CFP: variants seen among roughly 807,000 people sequenced by gnomAD.
CFP encodes the protein complement factor properdin.
A neutral mutation model predicts 42.1 loss-of-function variants in CFP; 14 were observed. That is an observed-to-expected ratio of 0.33 (90% confidence interval 0.22 to 0.52). The LOEUF (loss-of-function observed/expected upper bound fraction) is 0.52. Among genes scored for constraint, CFP ranks in the 20% least tolerant of loss-of-function variants. The probability of loss-of-function intolerance (pLI) is 0.96; values close to 1 mark genes in which losing one functional copy is unlikely to be tolerated. For missense variants in CFP, 318 were observed against 400.4 expected (o/e 0.79, Z 1.76); for synonymous variants, 149 against 160.6 (o/e 0.93, Z 0.54).
chrX:47,626,273 C>T, intron 7 of CFP, 55 bp downstream of exon 7: 1 of 1,180,264 alleles, frequency 8.5e-7, no homozygotes, highest in Non-Finnish European at 1.1e-6. Flanking sequence ...AGTTGGAAAC[C>T]CCTTATCCTG....
At position 47,629,511 on chromosome X, in the gene CFP, G is replaced by T; in HGVS notation, c.227+13C>A. ...TCCCTCCCCCCCATCCCCCACCCCA[G>T]GCTCCCCCTAACCTGCAAGGCTGAC... is the stretch of plus-strand genomic sequence containing the variant. On this transcript the variant is annotated intron_variant, in intron 2 of 8. Transcript: ENST00000396992. The T allele has an allele frequency of 7.6e-6, 3 of 395,042 alleles. No individual in the cohort carries two copies. Among genetic ancestry groups the T allele is most frequent in the Non-Finnish European group, 1.3e-5 (3 of 231,756 alleles). The allele number at this position is 395,042 out of a possible 1,213,427, so 32.6% of individuals were successfully genotyped here. A position where few individuals can be genotyped will look rare whatever the true frequency, so the allele number is the denominator to read the frequency against.
chrX:47,626,223 G>A (rs2147936487), intron 7 of CFP, 54 bp from the exon 8 acceptor site: 3 of 1,135,100 alleles, frequency 2.6e-6, no homozygotes, highest in Non-Finnish European at 3.6e-6. Flanking sequence ...TGGTGGGAAA[G>A]TGAGAGGGAG....
upstream of CFP, chrX:47,630,120 A>G (rs1248678749): frequency 2.6e-6 from 1 of 389,574 alleles, no homozygotes; most frequent in African/African-American, 2.6e-5. Context: ...TCCTAGGACA[A>G]ATTCTCACCC....
intron 2 of CFP, 36 bp downstream of exon 2, chrX:47,629,488 C>CCTCCCCCCCCTCCCCCCCCCCCCG: frequency 1.5e-6 from 1 of 657,607 alleles, no homozygotes; most frequent in Admixed American, 2.8e-5. Context: ...ACAGTCCTTC[C>CCTCCCCCCCCTCCCCCCCCCCCCG]CTCCCCCCCA....
chrX:47,624,522 C>T, intron 8 of CFP, 82 bp from the exon 9 acceptor site: 2 of 682,677 alleles, frequency 2.9e-6, no homozygotes, highest in Non-Finnish European at 4.2e-6. Flanking sequence ...TGAGTGCCTG[C>T]TATATGCCGA....
chrX:47,625,500 C>CA (rs1193149392), intron 8 of CFP: 1 of 142,395 alleles, frequency 7.0e-6, no homozygotes, highest in Non-Finnish European at 1.4e-5. Flanking sequence ...ATGCCTTTCC[C>CA]AACCCCTACC....
In CFP at chrX:47,623,468, T is replaced by C. The variant is rs1367806192; in HGVS notation, c.*807A>G. 1 of 112,295 alleles carries C rather than the reference T, an allele frequency of 8.9e-6. No individual in the cohort carries two copies. The highest frequency in any genetic ancestry group is 1.9e-5 in the Non-Finnish European group (1 of 53,349). 9.3% of individuals were successfully genotyped at this position (112,295 alleles called of 1,213,427 possible). A position where few individuals can be genotyped will look rare whatever the true frequency, so the allele number is the denominator to read the frequency against. On this transcript the variant is annotated 3_prime_UTR_variant, in exon 9 of 9. Coordinates refer to ENST00000396992, the MANE Select transcript of CFP (RefSeq NM_001145252.3). ...GATGTCCTCTTTCTACCAGCCCTCC[T>C]CCACCCTAGATGCTCAGACTCAGCT...
chrX:47,628,526 C>G, intron 2 of CFP: 1 of 494,443 alleles, frequency 2.0e-6, no homozygotes, highest in South Asian at 2.5e-5. Flanking sequence ...ATGGCCAACA[C>G]CAGGTCCGCA....
At chrX:47,625,255 C>T (rs1462725011) in intron 8 of CFP, 1 of 112,364 alleles carries the variant, frequency 8.9e-6, no homozygotes, top group African/African-American at 3.3e-5. Context: ...CATTCAACAC[C>T]TCTAATCTTC....
intron 8 of CFP, 30 bp from the exon 9 acceptor site, chrX:47,624,470 A>G: frequency 7.6e-6 from 9 of 1,184,690 alleles, no homozygotes; most frequent in Non-Finnish European, 1.0e-5. Flanking sequence ...GAGGAACGGA[A>G]GGGAGAATCT....
At chrX:47,626,986 C>T in intron 5 of CFP, 40 bp from the exon 6 acceptor site, 1 of 1,158,612 alleles carries the variant, frequency 8.6e-7, no homozygotes, top group Middle Eastern at 2.5e-4. Flanking sequence ...AAGGCCTCCT[C>T]AATCCTTCCT....
At chrX:47,624,539 C>CTTT (rs11385461) in intron 8 of CFP, 99 bp from the exon 9 acceptor site, 760 of 303,242 alleles carry the variant, frequency 2.5e-3, no homozygotes, top group African/African-American at 0.011. Context: ...CCGAGGGCTA[C>CTTT]TTTTTTTTTT....
rs757024260 is a variant in CFP, at chrX:47,623,974, G to A, written c.*301C>T. 185 of 328,388 alleles carry A rather than the reference G, an allele frequency of 5.6e-4. No individual in the cohort carries two copies. The highest frequency in any genetic ancestry group is 1.1e-3 in the Admixed American group (23 of 20,852). 27.1% of individuals were successfully genotyped at this position (328,388 alleles called of 1,213,427 possible). A position where few individuals can be genotyped will look rare whatever the true frequency, so the allele number is the denominator to read the frequency against. On this transcript the variant is annotated 3_prime_UTR_variant, in exon 9 of 9. Transcript: ENST00000396992. ...GAGGAACGTGCCGGGCGGCCCTGAG[G>A]CTCTAAGGGGGCTGCGCAGGGCCCA...
intron 8 of CFP, chrX:47,625,438 T>C (rs762642051): frequency 8.0e-6 from 1 of 124,457 alleles, no homozygotes; most frequent in African/African-American, 3.2e-5. Context: ...GAAACACTTA[T>C]AGCGGCTAAT....
rs1454105125 is a variant in CFP, at chrX:47,623,655, C to T, written c.*620G>A. 5 of 116,144 alleles carry T rather than the reference C, an allele frequency of 4.3e-5. No individual in the cohort carries two copies. The highest frequency in any genetic ancestry group is 9.1e-5 in the Non-Finnish European group (5 of 55,237). 9.6% of individuals were successfully genotyped at this position (116,144 alleles called of 1,213,427 possible). A position where few individuals can be genotyped will look rare whatever the true frequency, so the allele number is the denominator to read the frequency against. The stretch of plus-strand genomic sequence containing the variant: ...CACAGGCACTTCCTCGGCCCGCCCC[C>T]CGCCTCGCCGAGCTATTTGTCGCTG... On this transcript the variant is annotated 3_prime_UTR_variant, in exon 9 of 9. Transcript: ENST00000396992.
chrX:47,624,641 A>G (rs2057962037), intron 8 of CFP: 2 of 363,553 alleles, frequency 5.5e-6, no homozygotes, highest in Non-Finnish European at 9.3e-6. Context: ...TGCAGCCTCA[A>G]TCTCCTGGGC....
Position 47,628,257 on chromosome X carries a change from C to A in CFP, c.248G>T (p.Trp83Leu). The A allele has an allele frequency of 8.3e-7, 1 of 1,209,686 alleles. No individual in the cohort carries two copies. Among genetic ancestry groups the A allele is most frequent in the Non-Finnish European group, 1.1e-6 (1 of 894,460 alleles). ...CACCGAACAGGGGGCCCATGTGGAC[C>A]ACAGGGACCATCGTGGGGACCTGTG... ...QPCRSPRWSLWSTWAPCSVTC... is the reference protein window; with the variant it reads ...QPCRSPRWSLLSTWAPCSVTC... The change falls in exon 3 of 9, where the codon TGG becomes TTG. Residue 83 changes from tryptophan (W) to leucine (L), a missense_variant. By Grantham distance (61) the Trp-to-Leu change is moderately conservative (BLOSUM62 -2). Transcript: ENST00000396992.
intron 8 of CFP, chrX:47,625,467 C>T (rs1277375974): frequency 1.5e-5 from 2 of 132,319 alleles, no homozygotes; most frequent in East Asian, 2.0e-4. Context: ...TCCAAGGCTC[C>T]GTTCACAGTC....
At chrX:47,629,487 C>T in intron 2 of CFP, 37 bp downstream of exon 2, 5 of 479,592 alleles carry the variant, frequency 1.0e-5, no homozygotes, top group Admixed American at 5.9e-5. Context: ...GACAGTCCTT[C>T]CCTCCCCCCC....
Sources: gnomAD v4.1 joint callset for allele counts on GRCh38, gnomAD v4.1.1 for gene constraint, MANE v1.5 for transcripts, NCBI Gene and HGNC (gene_info 2026-07-23, HGNC 2026-07-21) for gene names.